Variants in CDH13 observed in about 807,000 individuals in gnomAD.
CDH13 encodes the protein cadherin-13.
CDH13 carries 24 observed loss-of-function variants against 63.8 expected under a neutral mutation model. That is an observed-to-expected ratio of 0.38 (90% CI 0.27 to 0.53). CDH13 has a LOEUF of 0.53. Among genes scored for constraint, CDH13 ranks in the 20% least tolerant of loss-of-function variants. The pLI is 0.85. For synonymous variants in CDH13, 503 were observed against 355.3 expected (o/e 1.42, Z -4.67); for missense variants, 1,049 against 903.1 (o/e 1.16, Z -2.07).
chr16:83,788,205 A>G (rs569182500), intron 13 of CDH13, among the ~76,000 whole-genome samples: 6 of 152,278 alleles, frequency 3.9e-5, no homozygotes, highest in South Asian at 2.1e-4. Flanking sequence ...TCTTTGAAGA[A>G]CAAAGGCACT....
At chr16:82,769,557 C>T (rs531872247) in intron 1 of CDH13, among the ~76,000 whole-genome samples, 1 of 152,130 alleles carries the variant, frequency 6.6e-6, no homozygotes, top group Non-Finnish European at 1.5e-5. Context: ...CATTAGTGGC[C>T]ATTGACGTTT....
At chr16:83,237,232 G>C (rs1033871803) in intron 5 of CDH13, among the ~76,000 whole-genome samples, 2 of 152,220 alleles carry the variant, frequency 1.3e-5, no homozygotes, top group African/African-American at 4.8e-5. Context: ...GCCTCTGCCT[G>C]TCTCAGCAAA....
At chr16:83,783,160 A>T in intron 12 of CDH13, 94 bp from the exon 13 acceptor site, 1 of 789,904 alleles carries the variant, frequency 1.3e-6, no homozygotes. Flanking sequence ...TGAAAATGCA[A>T]TGCCTGTTTG....
At chr16:83,776,093 C>A (rs1389269333) in intron 11 of CDH13, among the ~76,000 whole-genome samples, 8 of 152,118 alleles carry the variant, frequency 5.3e-5, no homozygotes, top group Non-Finnish European at 1.2e-4. Context: ...CCCAAAGTAA[C>A]AAACTCATCT....
At chr16:83,430,012 T>A (rs1253907674) in intron 6 of CDH13, among the ~76,000 whole-genome samples, 3 of 152,196 alleles carry the variant, frequency 2.0e-5, no homozygotes, top group Non-Finnish European at 4.4e-5. Flanking sequence ...TTGGACTGTT[T>A]TAGGTACCTC....
intron 7 of CDH13, among the ~76,000 whole-genome samples, chr16:83,499,559 C>G (rs184913310): frequency 7.4e-4 from 112 of 152,344 alleles, no homozygotes; most frequent in Non-Finnish European, 1.3e-3. Flanking sequence ...ATTGTTAATG[C>G]TCCCTGAGAA....
At chr16:83,663,046 C>T (rs1913585971) in intron 8 of CDH13, among the ~76,000 whole-genome samples, 1 of 152,170 alleles carries the variant, frequency 6.6e-6, no homozygotes, top group African/African-American at 2.4e-5. Flanking sequence ...GATAATTTAT[C>T]CTTATCCAAA....
intron 5 of CDH13, among the ~76,000 whole-genome samples, chr16:83,254,325 G>A (rs777039777): frequency 3.9e-5 from 6 of 152,188 alleles, no homozygotes; most frequent in African/African-American, 1.4e-4. Flanking sequence ...AGGGCTCATG[G>A]TGCCAAGGTC....
chr16:83,275,101 C>A (rs1037638990), intron 5 of CDH13, among the ~76,000 whole-genome samples: 1 of 152,168 alleles, frequency 6.6e-6, no homozygotes, highest in Non-Finnish European at 1.5e-5. Flanking sequence ...CTACTATATT[C>A]CCATTTCCTA....
At chr16:83,285,848 A>G (rs1249783897) in intron 5 of CDH13, among the ~76,000 whole-genome samples, 1 of 152,198 alleles carries the variant, frequency 6.6e-6, no homozygotes, top group African/African-American at 2.4e-5. Context: ...ATAACGAATT[A>G]TAGAGGAAAA....
Position 83,478,945 on chromosome 16 carries a change from G to C in CDH13, c.782-7532G>C, listed in dbSNP as rs191442400. On this transcript the variant is annotated intron_variant, in intron 6 of 13. Coordinates refer to ENST00000567109, the MANE Select transcript of CDH13 (RefSeq NM_001257.5). ...AGCCAGTCCAAATGTAAGCCAGTGG[G>C]AAAATGAGACATTATTTACAATTCA... 2.0e-5 allele frequency among the ~76,000 whole-genome samples: 3 copies of C among 152,284 alleles called. No individual in the cohort carries two copies. The East Asian group carries it at 5.8e-4, about 29-fold the overall frequency.
intron 1 of CDH13, among the ~76,000 whole-genome samples, chr16:82,816,533 A>T (rs1178602447): frequency 1.3e-5 from 2 of 152,104 alleles, no homozygotes; most frequent in African/African-American, 2.4e-5. Flanking sequence ...TGAGGCATCA[A>T]CATTTGAGCT....
At chr16:83,519,536 A>T (rs564385961) in intron 7 of CDH13, among the ~76,000 whole-genome samples, 1 of 152,238 alleles carries the variant, frequency 6.6e-6, no homozygotes, top group Non-Finnish European at 1.5e-5. Context: ...CACTTTAACT[A>T]TAATACCTTG....
chr16:83,184,536 A>C (rs2038454003), intron 4 of CDH13, among the ~76,000 whole-genome samples: 1 of 152,052 alleles, frequency 6.6e-6, no homozygotes, highest in South Asian at 2.1e-4. Context: ...GGGTGGATCA[A>C]CTGAGGTCAG....
chr16:83,511,201 C>G (rs142963576), intron 7 of CDH13, among the ~76,000 whole-genome samples: 4 of 152,344 alleles, frequency 2.6e-5, no homozygotes, highest in Admixed American at 2.0e-4. Flanking sequence ...GTGGCTCACA[C>G]CTGTGATCCC....
chr16:82,805,692 C>T (rs185915606), intron 1 of CDH13, among the ~76,000 whole-genome samples: 4 of 152,204 alleles, frequency 2.6e-5, no homozygotes, highest in South Asian at 4.1e-4. Flanking sequence ...ATTTAGAACC[C>T]TTCTCATAGT....
intron 6 of CDH13, among the ~76,000 whole-genome samples, chr16:83,471,184 C>G (rs1205276397): frequency 6.6e-6 from 1 of 151,218 alleles, no homozygotes; most frequent in Non-Finnish European, 1.5e-5. Flanking sequence ...GACTAAGTTT[C>G]TTTTACCCTG....
chr16:83,085,190 G>GCGGCCTGACAGGGTGCAAAAGGCGC (rs2033508027), intron 3 of CDH13, among the ~76,000 whole-genome samples: 1 of 151,986 alleles, frequency 6.6e-6, no homozygotes, highest in Non-Finnish European at 1.5e-5. Flanking sequence ...GGGGCAAAAG[G>GCGGCCTGACAGGGTGCAAAAGGCGC]CACTTCTTTC....
intron 2 of CDH13, among the ~76,000 whole-genome samples, chr16:83,005,990 C>T (rs1253845167): frequency 6.6e-6 from 1 of 152,156 alleles, no homozygotes; most frequent in East Asian, 1.9e-4. Context: ...CTTCATATGT[C>T]ATTGACAATA....
Sources: gnomAD v4.1 joint callset for allele counts (sites outside exome capture counted in the v4.1 genomes callset) on GRCh38, gnomAD v4.1.1 for gene constraint, MANE v1.5 for transcripts, NCBI Gene and HGNC (gene_info 2026-07-23, HGNC 2026-07-21) for gene names.